The following KIF14 variants were observed in gnomAD, a reference collection of about 807,000 sequenced individuals.
KIF14 encodes the protein kinesin family member 14.
A neutral mutation model predicts 176.2 loss-of-function variants in KIF14; 98 were observed. The ratio of observed to expected loss-of-function variants is 0.56; its 90% CI spans 0.47 to 0.66. The LOEUF (loss-of-function observed/expected upper bound fraction) is 0.66, where lower values mean the gene tolerates loss of function less well. Among genes scored for constraint, KIF14 ranks in the 30% least tolerant of loss-of-function variants. The pLI, the probability that KIF14 is intolerant of heterozygous loss-of-function variation, is 0.00. For missense variants in KIF14, 1,751 were observed against 1,920.4 expected, an observed-to-expected ratio of 0.91 and a Z score of 1.65; for synonymous variants, 566 against 632.2, an observed-to-expected ratio of 0.90 and a Z score of 1.57.
intron 21 of KIF14, among the ~76,000 whole-genome samples, chr1:200,578,027 C>G (rs1658228380): frequency 6.6e-6 from 1 of 150,848 alleles, no homozygotes; most frequent in African/African-American, 2.4e-5. Context: ...CCTATGAAGT[C>G]AACTTTCATA....
At chr1:200,618,869 C>T (rs115650152) in intron 1 of KIF14, 31 bp from the exon 2 acceptor site, 17,893 of 645,020 alleles carry the variant, frequency 0.028, 299 homozygotes, top group Middle Eastern at 0.046. Context: ...TTAGATCACA[C>T]AGACTACAAA....
In KIF14 at chr1:200,576,461, G is replaced by C. The variant is rs560105430; in HGVS notation, c.3466-770C>G. The stretch of plus-strand genomic sequence containing the variant: ...CCACTGCACTCCAGCCTGGGCGACA[G>C]AGCGAGACTCCGTCTCAAAAAAAAA... On this transcript the variant is annotated intron_variant, in intron 21 of 29. Transcript: ENST00000367350. Among the ~76,000 whole-genome samples, 9 of 139,660 alleles carry C rather than the reference G, an allele frequency of 6.4e-5. No homozygotes were observed. The South Asian group carries it at 6.8e-4, about 10-fold the overall frequency. 91.6% of individuals were successfully genotyped at this position (139,660 alleles called of 152,430 possible).
chr1:200,573,423 A>ATTTTTTTTTTTTTTTTTTT (rs1657921825), intron 22 of KIF14, among the ~76,000 whole-genome samples: 1 of 84,424 alleles, frequency 1.2e-5, no homozygotes, highest in African/African-American at 6.0e-5. Context: ...CAAGGAGCTC[A>ATTTTTTTTTTTTTTTTTTT]TTTCTTTTTT....
intron 21 of KIF14, among the ~76,000 whole-genome samples, chr1:200,579,071 C>T (rs768086809): frequency 6.6e-6 from 1 of 151,878 alleles, no homozygotes; most frequent in Non-Finnish European, 1.5e-5. Context: ...GCCTGGGCAA[C>T]AGAGTGAGAT....
At chr1:200,564,641 T>C (rs1036033139) in intron 25 of KIF14, among the ~76,000 whole-genome samples, 3 of 152,218 alleles carry the variant, frequency 2.0e-5, no homozygotes, top group Non-Finnish European at 2.9e-5. Flanking sequence ...TCTGTCTCTC[T>C]TCCCAGTATC....
At chr1:200,578,241 T>C (rs1658240784) in intron 21 of KIF14, among the ~76,000 whole-genome samples, 1 of 152,188 alleles carries the variant, frequency 6.6e-6, no homozygotes, top group African/African-American at 2.4e-5. Context: ...TATCTCATAA[T>C]GATTCCTTTC....
At chr1:200,600,307 T>C in intron 12 of KIF14, 49 bp downstream of exon 12, 1 of 1,585,478 alleles carries the variant, frequency 6.3e-7, no homozygotes. Flanking sequence ...GCCATTCCTA[T>C]GATTCCAGAG....
intron 27 of KIF14, among the ~76,000 whole-genome samples, chr1:200,556,190 C>T (rs1239168493): frequency 6.6e-6 from 1 of 152,164 alleles, no homozygotes; most frequent in Non-Finnish European, 1.5e-5. Context: ...CTATCCAATG[C>T]TGCCCCCTAA....
intron 10 of KIF14, 73 bp downstream of exon 10, chr1:200,603,153 T>C (rs1247333115): frequency 1.2e-6 from 1 of 862,962 alleles, no homozygotes; most frequent in East Asian, 2.6e-5. Context: ...GTTAATGAAG[T>C]CAGTCTATCA....
At chr1:200,615,095 A>G (rs573654729) in intron 3 of KIF14, among the ~76,000 whole-genome samples, 20 of 152,284 alleles carry the variant, frequency 1.3e-4, no homozygotes, top group African/African-American at 4.8e-4. Flanking sequence ...TCTAGGCCTT[A>G]GTTTATGTAA....
rs767789253 is a variant in KIF14 at position 200,592,161 on chromosome 1, G to A, written c.2732C>T (p.Ser911Phe). 2 of 1,613,580 alleles carry A rather than the reference G, an allele frequency of 1.2e-6. No individual in the cohort carries two copies. Among genetic ancestry groups the A allele is most frequent in the Non-Finnish European group, 1.7e-6 (2 of 1,179,734 alleles). Reference sequence around the variant, plus strand: ...CTCACTTATAGGAGTATCTCTTCCAGATGGCCTTTTTCCTTTCTGGACTTC... The same window carrying A: ...CTCACTTATAGGAGTATCTCTTCCAAATGGCCTTTTTCCTTTCTGGACTTC... Reference protein sequence around the residue: ...PVEVQKGKRPSGRDTPISEGP... With the variant: ...PVEVQKGKRPFGRDTPISEGP... The change falls in exon 16 of 30, where the codon TCT becomes TTT. Residue 911 changes from serine (S) to phenylalanine (F), a missense_variant. Physicochemically the swap from Ser to Phe is radical, Grantham distance 155. Coordinates refer to ENST00000367350, the MANE Select transcript of KIF14 (RefSeq NM_014875.3).
intron 25 of KIF14, among the ~76,000 whole-genome samples, chr1:200,564,390 C>T (rs988636914): frequency 6.6e-6 from 1 of 151,922 alleles, no homozygotes; most frequent in Non-Finnish European, 1.5e-5. Context: ...TTGGGCATGG[C>T]GGATGGGACC....
At chr1:200,616,178 A>G (rs574204505) in intron 2 of KIF14, among the ~76,000 whole-genome samples, 5 of 152,182 alleles carry the variant, frequency 3.3e-5, no homozygotes, top group African/African-American at 1.2e-4. Flanking sequence ...CTTTAGATCT[A>G]CAGAAAAACA....
At position 200,618,280 on chromosome 1, in the gene KIF14, T is replaced by A; in HGVS notation, c.444A>T (p.Gly148=). The change falls in exon 2 of 30, where the codon GGA becomes GGT. Residue 148 remains glycine, a synonymous_variant. Coordinates refer to ENST00000367350, the MANE Select transcript of KIF14 (RefSeq NM_014875.3). ...IDSVKMTLNV[G]GETENNGVSK... ...AAACACCATTATTTTCTGTTTCACC[T>A]CCCACATTCAGTGTCATTTTGACAG... 2.5e-6 allele frequency: 4 copies of A among 1,613,828 alleles called. No individual in the cohort carries two copies. The highest frequency in any genetic ancestry group is 2.7e-5 in the African/African-American group (2 of 75,060).
At chr1:200,584,061 G>A (rs1333737425) in intron 19 of KIF14, among the ~76,000 whole-genome samples, 1 of 151,912 alleles carries the variant, frequency 6.6e-6, no homozygotes, top group Non-Finnish European at 1.5e-5. Context: ...GGCCAACATG[G>A]TGAAACCCCA....
At chr1:200,598,533 CTAAAT>C (rs1659476345) in intron 13 of KIF14, 112 bp from the exon 14 acceptor site, 32 of 631,022 alleles carry the variant, frequency 5.1e-5, no homozygotes, top group Non-Finnish European at 7.5e-5. Flanking sequence ...TGAAGTCTCA[CTAAAT>C]TAAAGGTTAT....
Position 200,565,132 on chromosome 1 carries a change from T to A in KIF14, c.4008A>T (p.Arg1336Ser), listed in dbSNP as rs149010075. The A allele has an allele frequency of 1.9e-6, 3 of 1,613,814 alleles. No individual in the cohort carries two copies. The African/African-American group carries it at 4.0e-5, about 22-fold the overall frequency. The stretch of plus-strand genomic sequence containing the variant: ...CTTCTTGTCTCAACTCATCCTCAAG[T>A]CTTGCTATGTTGGTACAAGGCAGTA... Reference protein sequence around the residue: ...SDLLPCTNIARLEDELRQEVK... With the variant: ...SDLLPCTNIASLEDELRQEVK... Residue 1336 changes from arginine (R) to serine (S), a missense_variant, in exon 25 of 30, where the codon AGA becomes AGT. Physicochemically the swap from Arg to Ser is moderately radical, Grantham distance 110. Transcript: ENST00000367350.
chr1:200,597,757 A>G (rs1218248875), intron 14 of KIF14, among the ~76,000 whole-genome samples: 1 of 152,236 alleles, frequency 6.6e-6, no homozygotes, highest in Non-Finnish European at 1.5e-5. Context: ...AATACTTCAT[A>G]GCAGTGAAAA....
intron 28 of KIF14, 119 bp from the exon 29 acceptor site, chr1:200,554,725 TCA>T: frequency 1.7e-6 from 1 of 572,152 alleles, no homozygotes. Context: ...TTTAATTTCC[TCA>T]CCAGTGCTTA....
Sources: allele counts gnomAD v4.1 joint callset (sites outside exome capture counted in the v4.1 genomes callset), GRCh38; gene constraint gnomAD v4.1.1; transcripts MANE v1.5; gene names NCBI Gene and HGNC (gene_info 2026-07-23, HGNC 2026-07-21).